XPO4: variants seen among roughly 807,000 people sequenced by gnomAD.
XPO4 encodes exportin 4.
A neutral mutation model predicts 143.0 loss-of-function variants in XPO4; 39 were observed. The ratio of observed to expected loss-of-function variants is 0.27; its 90% CI spans 0.21 to 0.36. The LOEUF is 0.36. Among genes scored for constraint, XPO4 ranks in the 10% least tolerant of loss-of-function variants. XPO4 has a pLI of 1.00. For missense variants in XPO4, 907 were observed against 1,348.0 expected, an observed-to-expected ratio of 0.67 and a Z score of 5.12; for synonymous variants, 439 against 474.0, an observed-to-expected ratio of 0.93 and a Z score of 0.96.
intron 6 of XPO4, among the ~76,000 whole-genome samples, chr13:20,835,983 CTTACT>C (rs2059911842): frequency 6.6e-6 from 1 of 152,178 alleles, no homozygotes; most frequent in Non-Finnish European, 1.5e-5. Context: ...TTTTCTCTAA[CTTACT>C]TTAAGAATAT....
intron 13 of XPO4, among the ~76,000 whole-genome samples, chr13:20,802,763 A>G (rs779224599): frequency 2.6e-5 from 4 of 152,220 alleles, no homozygotes; most frequent in African/African-American, 7.2e-5. Context: ...ATACTCTGAT[A>G]CAAATGTCTA....
At chr13:20,783,943 C>A (rs1373547754) in intron 22 of XPO4, 24 bp from the exon 23 acceptor site, 1 of 1,607,820 alleles carries the variant, frequency 6.2e-7, no homozygotes, top group South Asian at 1.1e-5. Flanking sequence ...AAAGTATACA[C>A]AAGTATCCTC....
In XPO4 at chr13:20,783,038, C is replaced by G. The variant is rs1426124500; in HGVS notation, c.*684G>C. 1 of 152,244 alleles carries G rather than the reference C, an allele frequency of 6.6e-6. No homozygotes were observed. The highest frequency in any genetic ancestry group is 1.5e-5 in the Non-Finnish European group (1 of 68,032). The allele number at this position is 152,244 out of a possible 1,614,324, so 9.4% of individuals were successfully genotyped here. On this transcript the variant is annotated 3_prime_UTR_variant, in exon 23 of 23. Coordinates refer to ENST00000255305, the MANE Select transcript of XPO4 (RefSeq NM_022459.5). ...GAAAGCAAGCAAGCAAGAAAGCAAG[C>G]TAAGAAAAAGCCAACAAACCCCTGG...
At chr13:20,895,832 A>T (rs1269878738) in intron 1 of XPO4, among the ~76,000 whole-genome samples, 1 of 152,078 alleles carries the variant, frequency 6.6e-6, no homozygotes, top group Non-Finnish European at 1.5e-5. Context: ...GATATACCAT[A>T]TTTTTTAAGA....
intron 6 of XPO4, among the ~76,000 whole-genome samples, chr13:20,836,403 G>C (rs1333810889): frequency 6.6e-6 from 1 of 152,102 alleles, no homozygotes; most frequent in Non-Finnish European, 1.5e-5. Context: ...TCCTTGCCTT[G>C]TTCTCCCATC....
intron 13 of XPO4, among the ~76,000 whole-genome samples, chr13:20,806,364 T>C (rs555350408): frequency 6.6e-6 from 1 of 152,234 alleles, no homozygotes; most frequent in East Asian, 1.9e-4. Flanking sequence ...TATCCATATA[T>C]TTTTGCATAC....
chr13:20,783,324 G>GT lies in XPO4; in HGVS notation c.*397_*398insA. ...GATGCAGGCGATCTATGGAGATTTT[G>GT]AGAAACACTGCCTAGCATATATCCA... On this transcript the variant is annotated 3_prime_UTR_variant, in exon 23 of 23. Transcript: ENST00000255305. The GT allele has an allele frequency of 5.3e-6, 1 of 188,708 alleles. No individual in the cohort carries two copies. The highest frequency in any genetic ancestry group is 1.1e-5 in the Non-Finnish European group (1 of 90,498). 11.7% of individuals were successfully genotyped at this position (188,708 alleles called of 1,614,324 possible). A position where few individuals can be genotyped will look rare whatever the true frequency, so the allele number is the denominator to read the frequency against.
At chr13:20,789,609 C>T (rs2141485810) in intron 19 of XPO4, among the ~76,000 whole-genome samples, 1 of 151,498 alleles carries the variant, frequency 6.6e-6, no homozygotes. Context: ...GGGGTTTCAC[C>T]ATGTTAGCCA....
At chr13:20,840,077 T>A (rs1284445407) in intron 6 of XPO4, among the ~76,000 whole-genome samples, 1 of 152,090 alleles carries the variant, frequency 6.6e-6, no homozygotes, top group African/African-American at 2.4e-5. Context: ...AATGGGGGAT[T>A]GTTACTGATA....
intron 6 of XPO4, among the ~76,000 whole-genome samples, chr13:20,836,339 C>T (rs138484408): frequency 2.6e-5 from 4 of 152,286 alleles, no homozygotes; most frequent in African/African-American, 9.6e-5. Flanking sequence ...CGGTAACAGA[C>T]GATGTTGACT....
At chr13:20,848,551 G>C in intron 4 of XPO4, 1 of 985,326 alleles carries the variant, frequency 1.0e-6, no homozygotes, top group Non-Finnish European at 1.2e-6. Context: ...CATAGAAAAT[G>C]ACAACCACCT....
chr13:20,795,411 A>G (rs2059344354), intron 18 of XPO4, among the ~76,000 whole-genome samples: 1 of 152,244 alleles, frequency 6.6e-6, no homozygotes, highest in Non-Finnish European at 1.5e-5. Flanking sequence ...GACACTTTAC[A>G]GCTGATCCTT....
At chr13:20,801,370 C>T (rs1002524176) in intron 13 of XPO4, among the ~76,000 whole-genome samples, 1 of 152,220 alleles carries the variant, frequency 6.6e-6, no homozygotes, top group Non-Finnish European at 1.5e-5. Flanking sequence ...TACTTAGCAT[C>T]ACTACTTAAA....
At chr13:20,799,712 T>A (rs1374279063) in intron 15 of XPO4, among the ~76,000 whole-genome samples, 1 of 152,180 alleles carries the variant, frequency 6.6e-6, no homozygotes, top group East Asian at 1.9e-4. Context: ...ATGGTAATAA[T>A]AACAATGATA....
chr13:20,825,210 C>T (rs1823762990), intron 7 of XPO4, among the ~76,000 whole-genome samples: 1 of 152,072 alleles, frequency 6.6e-6, no homozygotes, highest in African/African-American at 2.4e-5. Context: ...TTGTAAACTT[C>T]TATAGGGCAG....
chr13:20,794,877 T>C (rs2059335381), intron 18 of XPO4, among the ~76,000 whole-genome samples: 1 of 151,974 alleles, frequency 6.6e-6, no homozygotes, highest in African/African-American at 2.4e-5. Context: ...ATTTGTACAG[T>C]GCTTTTCAGA....
chr13:20,869,626 A>C (rs989975813), intron 1 of XPO4: 1 of 775,872 alleles, frequency 1.3e-6, no homozygotes, highest in African/African-American at 1.9e-5. Flanking sequence ...TCAATTATGC[A>C]ACATTAGTCA....
At chr13:20,833,695 G>C (rs200390879) in intron 6 of XPO4, among the ~76,000 whole-genome samples, 1 of 151,894 alleles carries the variant, frequency 6.6e-6, no homozygotes, top group South Asian at 2.1e-4. Flanking sequence ...GCCAAATGGG[G>C]AAAAAATCAT....
At chr13:20,860,208 AG>A (rs1390324171) in intron 3 of XPO4, among the ~76,000 whole-genome samples, 1 of 152,242 alleles carries the variant, frequency 6.6e-6, no homozygotes, top group African/African-American at 2.4e-5. Flanking sequence ...TAGTTTCCCA[AG>A]GTCACATAAA....
Sources: allele counts gnomAD v4.1 joint callset (sites outside exome capture counted in the v4.1 genomes callset), GRCh38; gene constraint gnomAD v4.1.1; transcripts MANE v1.5; gene names NCBI Gene and HGNC (gene_info 2026-07-23, HGNC 2026-07-21).